Variants in SRGAP2B observed in about 807,000 individuals in gnomAD.
The protein encoded by SRGAP2B is SLIT-ROBO Rho GTPase-activating protein 2B.
SRGAP2B carries 9 observed loss-of-function variants against 22.2 expected under a neutral mutation model. The observed-to-expected ratio is 0.41, with a 90% CI of 0.24 to 0.71. SRGAP2B has a LOEUF of 0.71. SRGAP2B is among the 30% of genes least tolerant of loss of function. The probability of loss-of-function intolerance (pLI) is 0.35; values close to 1 mark genes in which losing one functional copy is unlikely to be tolerated. For missense variants in SRGAP2B, 114 were observed against 235.8 expected (o/e 0.48, Z 3.38); for synonymous variants, 36 against 87.4 (o/e 0.41, Z 3.28).
At chr1:144,932,762 CA>C (rs1275620579) in intron 4 of SRGAP2B, among the ~76,000 whole-genome samples, 1 of 104,402 alleles carries the variant, frequency 9.6e-6, no homozygotes, top group Non-Finnish European at 1.9e-5. Context: ...CTCCTTGTCA[CA>C]ACTATGCCTG....
At chr1:144,993,257 A>C (rs1381210854) in intron 3 of SRGAP2B, among the ~76,000 whole-genome samples, 2 of 151,234 alleles carry the variant, frequency 1.3e-5, no homozygotes, top group African/African-American at 4.9e-5. Context: ...ACCTTTGTGA[A>C]TGGAACAGCA....
At chr1:145,073,190 G>C (rs142793061) in intron 2 of SRGAP2B, among the ~76,000 whole-genome samples, 5,268 of 150,358 alleles carry the variant, frequency 0.035, 620 homozygotes, top group African/African-American at 0.12. Flanking sequence ...AAGGAGGTCA[G>C]GTATTTGGCA....
intron 5 of SRGAP2B, among the ~76,000 whole-genome samples, chr1:144,912,999 G>T (rs1358610609): frequency 1.6e-5 from 2 of 127,902 alleles, no homozygotes; most frequent in Admixed American, 8.0e-5. Context: ...TCTTAAGTCT[G>T]CAGTCAGAGG....
At chr1:144,955,105 T>C (rs1421890040) in intron 4 of SRGAP2B, among the ~76,000 whole-genome samples, 1 of 150,476 alleles carries the variant, frequency 6.6e-6, no homozygotes, top group African/African-American at 2.5e-5. Flanking sequence ...AATGGTTCCT[T>C]TCCCAAGGCT....
At chr1:145,036,085 A>G (rs6600725) in intron 2 of SRGAP2B, among the ~76,000 whole-genome samples, 130 of 137,862 alleles carry the variant, frequency 9.4e-4, no homozygotes, top group South Asian at 1.8e-3. Context: ...ACCCATTACC[A>G]AAGAAGGCCT....
rs1386823026 is a variant in SRGAP2B, at chr1:145,075,800, C to T, written c.67+17035G>A. ...TCTCTAGATTGCAATTTAAGAACTA[C>T]TCTGAGGCCGGGCACGGTGGCTCAC... On this transcript the variant is annotated intron_variant, in intron 2 of 9. Coordinates refer to ENST00000612199, the Ensembl canonical transcript of SRGAP2B. Among the ~76,000 whole-genome samples, 21 of 148,430 alleles carry T rather than the reference C, an allele frequency of 1.4e-4. 1 individual carries two copies. Among genetic ancestry groups the T allele is most frequent in the Admixed American group, 5.4e-4 (8 of 14,918 alleles).
At chr1:144,925,792 A>AAAGAAAGAAAGG (rs1570756737) in intron 4 of SRGAP2B, among the ~76,000 whole-genome samples, 11 of 88,990 alleles carry the variant, frequency 1.2e-4, no homozygotes, top group South Asian at 3.3e-4. Flanking sequence ...AGAAAGAAAG[A>AAAGAAAGAAAGG]AAGGAGAGAG....
intron 4 of SRGAP2B, among the ~76,000 whole-genome samples, chr1:144,931,644 T>A (rs1295894917): frequency 6.6e-6 from 1 of 150,906 alleles, no homozygotes; most frequent in Non-Finnish European, 1.5e-5. Flanking sequence ...TAGATTTGCT[T>A]TAAATCCCAT....
chr1:145,009,163 C>A lies in SRGAP2B; in HGVS notation c.68-13963G>T, dbSNP rs587686932. On this transcript the variant is annotated intron_variant, in intron 2 of 9. Coordinates refer to ENST00000612199, the Ensembl canonical transcript of SRGAP2B. ...CTGCACTCCAGCCTGGGCGACAGAG[C>A]GAGACTCCGTCTCAAAAAAAAAAAA... Among the ~76,000 whole-genome samples, 53 of 131,478 alleles carry A rather than the reference C, an allele frequency of 4.0e-4. No individual in the cohort carries two copies. In the South Asian group the frequency reaches 9.8e-3, roughly 24 times the overall value. 86.3% of individuals were successfully genotyped at this position (131,478 alleles called of 152,430 possible).
intron 2 of SRGAP2B, among the ~76,000 whole-genome samples, chr1:145,081,126 G>T (rs1280690228): frequency 1.3e-5 from 2 of 149,608 alleles, no homozygotes; most frequent in African/African-American, 2.5e-5. Context: ...TGTTAAGTCA[G>T]CTTAGGTTCA....
chr1:144,927,072 C>T (rs1664790030), intron 4 of SRGAP2B, among the ~76,000 whole-genome samples: 1 of 150,780 alleles, frequency 6.6e-6, no homozygotes, highest in African/African-American at 2.5e-5. Flanking sequence ...GCCTCAGCCT[C>T]CCAAGTAGCT....
chr1:144,990,536 C>T lies in SRGAP2B; in HGVS notation c.260+4472G>A, dbSNP rs1283366531. 5.1e-4 allele frequency among the ~76,000 whole-genome samples: 67 copies of T among 131,366 alleles called. 1 individual carries two copies. Among genetic ancestry groups the T allele is most frequent in the Middle Eastern group, 3.6e-3 (1 of 280 alleles). The allele number at this position is 131,366 out of a possible 152,430, so 86.2% of individuals were successfully genotyped here. A position where few individuals can be genotyped will look rare whatever the true frequency, so the allele number is the denominator to read the frequency against. On this transcript the variant is annotated intron_variant, in intron 3 of 9. Transcript: ENST00000612199. ...CTCGGCACCTCCCCTGCCTGGGCTCCCACTTTGGTGGCATTTGAGGAGCCC... is the reference window on the plus strand; with the variant it reads ...CTCGGCACCTCCCCTGCCTGGGCTCTCACTTTGGTGGCATTTGAGGAGCCC...
intron 7 of SRGAP2B, among the ~76,000 whole-genome samples, chr1:144,901,727 T>C (rs1662672924): frequency 7.3e-6 from 1 of 136,216 alleles, no homozygotes; most frequent in Admixed American, 7.1e-5. Flanking sequence ...AAAATATTTA[T>C]TCTATATCTT....
Position 145,088,410 on chromosome 1 carries a change from G to A in SRGAP2B, c.67+4425C>T, listed in dbSNP as rs1315550071. ...CTCCAGATGGAAATTACAAAATTTC[G>A]CTTCCAGCTCTGTGGTGCACACACA... On this transcript the variant is annotated intron_variant, in intron 2 of 9. Coordinates refer to ENST00000612199, the Ensembl canonical transcript of SRGAP2B. Among the ~76,000 whole-genome samples the A allele has an allele frequency of 3.5e-3, 457 of 131,692 alleles. 10 individuals are homozygous for A. Among genetic ancestry groups the A allele is most frequent in the African/African-American group, 0.012 (421 of 34,126 alleles). 86.4% of individuals were successfully genotyped at this position (131,692 alleles called of 152,430 possible).
intron 4 of SRGAP2B, among the ~76,000 whole-genome samples, chr1:144,951,034 G>A (rs1241049440): frequency 6.7e-6 from 1 of 150,340 alleles, no homozygotes; most frequent in Non-Finnish European, 1.5e-5. Context: ...TTTTTGTAGA[G>A]ACGGGGTTTC....
chr1:144,997,311 G>A (rs1307182258), intron 2 of SRGAP2B, among the ~76,000 whole-genome samples: 2 of 150,804 alleles, frequency 1.3e-5, no homozygotes, highest in African/African-American at 5.0e-5. Flanking sequence ...GGTGCCTGTG[G>A]TCCCAGCTAC....
chr1:145,081,619 C>T (rs1652941719), intron 2 of SRGAP2B, among the ~76,000 whole-genome samples: 1 of 148,222 alleles, frequency 6.7e-6, no homozygotes, highest in African/African-American at 2.6e-5. Flanking sequence ...CAAAGAGCAG[C>T]TTACTCATCT....
At position 145,001,712 on chromosome 1, in the gene SRGAP2B, TTACTC is replaced by T. The variant is rs1311570862; in HGVS notation, c.68-6517_68-6513del. On this transcript the variant is annotated intron_variant, in intron 2 of 9. Transcript: ENST00000612199. ...ACTGATAGTCTTTTTCTGCATTACT[TTACTC>T]TATTAAGTAAGGCACAAAACAGGCC... 4.0e-5 allele frequency among the ~76,000 whole-genome samples: 6 copies of T among 149,736 alleles called. 1 individual carries two copies. The highest frequency in any genetic ancestry group is 2.1e-4 in the South Asian group (1 of 4,770).
chr1:145,035,990 C>T (rs1325102626), intron 2 of SRGAP2B, among the ~76,000 whole-genome samples: 1 of 137,312 alleles, frequency 7.3e-6, no homozygotes, highest in Non-Finnish European at 1.6e-5. Flanking sequence ...AAATCCCATT[C>T]ATACATTTAT....
Sources: allele counts gnomAD v4.1 joint callset (sites outside exome capture counted in the v4.1 genomes callset), GRCh38; gene constraint gnomAD v4.1.1; transcripts MANE v1.5; gene names NCBI Gene and HGNC (gene_info 2026-07-23, HGNC 2026-07-21).